The following COA8 variants were observed in gnomAD, a reference collection of about 807,000 sequenced individuals.
The protein encoded by COA8 is UPF0671 protein C14orf153.
A neutral mutation model predicts 22.0 loss-of-function variants in COA8; 20 were observed. That is an observed-to-expected ratio of 0.91 (90% CI 0.64 to 1.32). The LOEUF is 1.32. Among genes scored for constraint, COA8 ranks in the 40% most tolerant of loss-of-function variants. The pLI is 0.00. For missense variants in COA8, 266 were observed against 230.0 expected (o/e 1.16, Z -1.01); for synonymous variants, 105 against 79.9 (o/e 1.31, Z -1.68).
intron 2 of COA8, among the ~76,000 whole-genome samples, chr14:103,573,725 G>A (rs1431206649): frequency 6.6e-6 from 1 of 151,928 alleles, no homozygotes; most frequent in African/African-American, 2.4e-5. Flanking sequence ...GCTAATTTTT[G>A]TATTTTTAGT....
At chr14:103,585,725 G>A (rs1236008964) in intron 3 of COA8, among the ~76,000 whole-genome samples, 7 of 150,256 alleles carry the variant, frequency 4.7e-5, no homozygotes, top group African/African-American at 9.8e-5. Context: ...ACAGACGCAC[G>A]CCACTACACC....
At chr14:103,588,639 T>C (rs1216548650) in intron 4 of COA8, among the ~76,000 whole-genome samples, 1 of 151,578 alleles carries the variant, frequency 6.6e-6, no homozygotes, top group Non-Finnish European at 1.5e-5. Context: ...AGCCCAGGAG[T>C]TTGAGACCAG....
intron 2 of COA8, among the ~76,000 whole-genome samples, chr14:103,573,330 C>T (rs937810923): frequency 5.9e-5 from 9 of 151,408 alleles, no homozygotes; most frequent in Non-Finnish European, 1.0e-4. Flanking sequence ...CCACCACACC[C>T]GGCTAATTTT....
chr14:103,572,009 T>TCA (rs2076191687), intron 2 of COA8, among the ~76,000 whole-genome samples, 189 bp downstream of exon 2: 2 of 151,408 alleles, frequency 1.3e-5, no homozygotes, highest in African/African-American at 4.9e-5. Flanking sequence ...CGCCTGTAGT[T>TCA]CCAGCTACTC....
At chr14:103,570,344 G>A (rs1169862457) in intron 1 of COA8, among the ~76,000 whole-genome samples, 8 of 152,162 alleles carry the variant, frequency 5.3e-5, no homozygotes, top group African/African-American at 1.4e-4. Context: ...TTCAGGTCTT[G>A]AATAGCAGGG....
intron 1 of COA8, among the ~76,000 whole-genome samples, chr14:103,569,795 T>C (rs1013186196): frequency 5.3e-5 from 8 of 152,220 alleles, no homozygotes; most frequent in African/African-American, 1.7e-4. Context: ...AGTCCTTTAA[T>C]GTATGATAAG....
intron 1 of COA8, 197 bp downstream of exon 1, chr14:103,563,321 C>T: frequency 1.3e-6 from 1 of 762,434 alleles, no homozygotes; most frequent in Non-Finnish European, 2.3e-6. Context: ...GAGGGTGCCG[C>T]CGCCACCACG....
chr14:103,584,166 TGGGATAACAG>T (rs915439225), intron 3 of COA8, among the ~76,000 whole-genome samples: 1 of 152,076 alleles, frequency 6.6e-6, no homozygotes, highest in African/African-American at 2.4e-5. Context: ...CACAAAGCAC[TGGGATAACAG>T]GCGTGAGCCA....
At chr14:103,568,526 C>CACAT (rs2076153659) in intron 1 of COA8, among the ~76,000 whole-genome samples, 1 of 151,080 alleles carries the variant, frequency 6.6e-6, no homozygotes, top group South Asian at 2.1e-4. Flanking sequence ...TATACACACA[C>CACAT]ATACACATAT....
intron 3 of COA8, chr14:103,574,563 A>G (rs1272321356): frequency 7.7e-6 from 3 of 392,058 alleles, no homozygotes; most frequent in Admixed American, 3.3e-5. Context: ...ATAACATCTC[A>G]TGCTGTTCGT....
intron 3 of COA8, 109 bp downstream of exon 3, chr14:103,574,279 T>G: frequency 6.9e-7 from 1 of 1,454,788 alleles, no homozygotes. Flanking sequence ...GGGCGGTCCT[T>G]GGCCTGCTTT....
At chr14:103,567,110 T>TGCCACCGC (rs1353207985) in intron 1 of COA8, among the ~76,000 whole-genome samples, 7 of 152,140 alleles carry the variant, frequency 4.6e-5, no homozygotes, top group African/African-American at 1.7e-4. Flanking sequence ...CGGTGGCTCG[T>TGCCACCGC]GCCTGTAATC....
chr14:103,587,700 G>A (rs1044877512), intron 4 of COA8, among the ~76,000 whole-genome samples: 7 of 151,098 alleles, frequency 4.6e-5, no homozygotes, highest in Admixed American at 2.6e-4. Context: ...GTAGAGACAG[G>A]GTTTCACCGT....
Position 103,575,431 on chromosome 14 carries a change from G to T in COA8, c.385+1261G>T, listed in dbSNP as rs117913708. Reference sequence around the variant, plus strand: ...GTTAAGGAAGGGAAACATACAGGGAGCTGCCTGCTCTGGCAGCTGTTGAAA... The same window carrying T: ...GTTAAGGAAGGGAAACATACAGGGATCTGCCTGCTCTGGCAGCTGTTGAAA... On this transcript the variant is annotated intron_variant, in intron 3 of 4. Coordinates refer to ENST00000409074, the MANE Select transcript of COA8 (RefSeq NM_001370595.2). Among the ~76,000 whole-genome samples, 1,110 of 152,312 alleles carry T rather than the reference G, an allele frequency of 7.3e-3. 5 individuals are homozygous for T. The highest frequency in any genetic ancestry group is 0.013 in the Non-Finnish European group (854 of 68,024).
At chr14:103,565,117 G>C (rs530814484) in intron 1 of COA8, among the ~76,000 whole-genome samples, 2 of 152,024 alleles carry the variant, frequency 1.3e-5, no homozygotes, top group South Asian at 4.2e-4. Context: ...TGCCACGCCT[G>C]GTTAATTTTT....
In COA8 at chr14:103,581,278, A is replaced by T. The variant is rs1440068936; in HGVS notation, c.386-5996A>T. 1.3e-5 allele frequency among the ~76,000 whole-genome samples: 2 copies of T among 152,216 alleles called. No homozygotes were observed. The highest frequency in any genetic ancestry group is 2.9e-5 in the Non-Finnish European group (2 of 68,048). ...ACTAATAAAATAGAACAAGTGTAAC[A>T]ATATGCCAGCATCTCTAATCTTGTA... On this transcript the variant is annotated intron_variant, in intron 3 of 4. Coordinates refer to ENST00000409074, the MANE Select transcript of COA8 (RefSeq NM_001370595.2). This position sits in a 1 kb window ranked among gnomAD's most constrained non-coding sequence, Gnocchi z 4.1.
chr14:103,579,115 G>A (rs761909996), intron 3 of COA8, among the ~76,000 whole-genome samples: 5 of 151,976 alleles, frequency 3.3e-5, no homozygotes, highest in Admixed American at 6.6e-5. Flanking sequence ...AGTTTTGAGC[G>A]CCCTATATGT....
chr14:103,563,719 C>A (rs867996915), intron 1 of COA8, among the ~76,000 whole-genome samples: 2 of 152,104 alleles, frequency 1.3e-5, no homozygotes, highest in Non-Finnish European at 2.9e-5. Context: ...GCCTTGATTC[C>A]GTCTGTCAGA....
At chr14:103,564,000 G>A (rs1397329577) in intron 1 of COA8, among the ~76,000 whole-genome samples, 1 of 152,010 alleles carries the variant, frequency 6.6e-6, no homozygotes, top group African/African-American at 2.4e-5. Flanking sequence ...TAAAAATACA[G>A]AAATTAGCTG....
Sources: allele counts gnomAD v4.1 joint callset (sites outside exome capture counted in the v4.1 genomes callset), GRCh38; gene constraint gnomAD v4.1.1; non-coding constraint Gnocchi (gnomAD v3.1); transcripts MANE v1.5; gene names NCBI Gene and HGNC (gene_info 2026-07-23, HGNC 2026-07-21).